The following ATG4D variants were observed in gnomAD, a reference collection of about 807,000 sequenced individuals.
ATG4D encodes the protein cysteine protease ATG4D.
A neutral mutation model predicts 55.2 loss-of-function variants in ATG4D; 51 were observed. The ratio of observed to expected loss-of-function variants is 0.92; its 90% CI spans 0.74 to 1.17. The LOEUF (loss-of-function observed/expected upper bound fraction) is 1.17, where lower values mean the gene tolerates loss of function less well. Ranked by LOEUF, ATG4D falls within the 50% of genes most tolerant of loss-of-function variation. ATG4D has a pLI of 0.00. For synonymous variants in ATG4D, 268 were observed against 266.2 expected (o/e 1.01, Z -0.07); for missense variants, 635 against 649.6 (o/e 0.98, Z 0.25).
chr19:10,551,872 C>CACCT (rs1403429246), intron 6 of ATG4D, 25 bp from the exon 7 acceptor site: 1 of 1,612,160 alleles, frequency 6.2e-7, no homozygotes, highest in Non-Finnish European at 8.5e-7. Flanking sequence ...TGCCTGACAG[C>CACCT]ACCTGCCTAC....
chr19:10,551,058 A>G (rs1270452123), intron 6 of ATG4D: 1 of 152,192 alleles, frequency 6.6e-6, no homozygotes, highest in Admixed American at 6.6e-5. Context: ...AGAACCAGAA[A>G]ACCTGAGACA....
chr19:10,551,802 C>A, intron 6 of ATG4D, 95 bp from the exon 7 acceptor site: 1 of 1,151,058 alleles, frequency 8.7e-7, no homozygotes, highest in Non-Finnish European at 1.3e-6. Context: ...TTGATCACTG[C>A]TGCCCTCCAG....
chr19:10,551,650 A>G lies in ATG4D; in HGVS notation c.967-247A>G, dbSNP rs566293245. ...AGGAGGCGGAGGTTGCGGTGAGCCA[A>G]TTGGGCCACTGCACTCCAGGCTGGG... On this transcript the variant is annotated intron_variant, in intron 6 of 9. Transcript: ENST00000309469. 7.5e-5 allele frequency among the ~76,000 whole-genome samples: 11 copies of G among 146,106 alleles called. No individual in the cohort carries two copies. In the South Asian group the frequency reaches 1.1e-3, roughly 14 times the overall value.
At chr19:10,548,810 T>C (rs1402872661) in intron 5 of ATG4D, 94 bp from the exon 6 acceptor site, 7 of 1,516,326 alleles carry the variant, frequency 4.6e-6, no homozygotes, top group African/African-American at 4.1e-5. Flanking sequence ...CTCTGAGAAA[T>C]TGCACGGTTG....
Position 10,547,234 on chromosome 19 carries a change from C to A in ATG4D, c.816C>A (p.Tyr272Ter), listed in dbSNP as rs769363951. The A allele has an allele frequency of 6.2e-7, 1 of 1,613,876 alleles. No homozygotes were observed. Among genetic ancestry groups the A allele is most frequent in the Non-Finnish European group, 8.5e-7 (1 of 1,179,906 alleles). ...CCGACGTCACCCGCCTGGTGGTGTA[C>A]GTTTCTCAGGACTGCACAGGTAAGG... ...SCSDVTRLVVYVSQDCTVYKA... is the reference protein window; with the variant it reads ...SCSDVTRLVV The change falls in exon 5 of 10, where the codon TAC becomes TAA. Residue 272 changes from tyrosine to a stop codon, truncating the protein, a stop_gained. Transcript: ENST00000309469. LOFTEE classifies it high-confidence loss of function.
At chr19:10,547,412 C>T (rs558434348) in intron 5 of ATG4D, among the ~76,000 whole-genome samples, 159 bp downstream of exon 5, 1 of 152,160 alleles carries the variant, frequency 6.6e-6, no homozygotes, top group East Asian at 1.9e-4. Flanking sequence ...GATAGTCCCT[C>T]TTCTCCGTCT....
chr19:10,551,702 A>G (rs1916241469), intron 6 of ATG4D, among the ~76,000 whole-genome samples, 195 bp from the exon 7 acceptor site: 1 of 151,368 alleles, frequency 6.6e-6, no homozygotes, highest in Non-Finnish European at 1.5e-5. Context: ...CGTCTCAAAA[A>G]AAAAAAAAAA....
intron 3 of ATG4D, among the ~76,000 whole-genome samples, chr19:10,546,060 C>T (rs1055972914): frequency 1.3e-4 from 19 of 151,828 alleles, no homozygotes; most frequent in African/African-American, 4.6e-4. Flanking sequence ...GTGGCTCATG[C>T]CTGTAATCCC....
At chr19:10,551,158 T>C (rs1422297527) in intron 6 of ATG4D, 3 of 152,298 alleles carry the variant, frequency 2.0e-5, no homozygotes, top group African/African-American at 7.2e-5. Context: ...AGTTATCACC[T>C]CTAACACATG....
chr19:10,552,524 G>A (rs1232142958), intron 9 of ATG4D, among the ~76,000 whole-genome samples, 200 bp downstream of exon 9: 1 of 152,226 alleles, frequency 6.6e-6, no homozygotes, highest in African/African-American at 2.4e-5. Flanking sequence ...ATCCCTTGGA[G>A]GCAGCTGTAT....
At chr19:10,547,314 G>A (rs140210034) in intron 5 of ATG4D, 61 bp downstream of exon 5, 63 of 1,567,692 alleles carry the variant, frequency 4.0e-5, no homozygotes, top group East Asian at 3.2e-4. Flanking sequence ...TGCCTTACCC[G>A]ATTCTTAGAG....
rs777918388 is a variant in ATG4D at position 10,546,981 on chromosome 19, C to T, written c.636C>T (p.His212=). 3 of 1,604,000 alleles carry T rather than the reference C, an allele frequency of 1.9e-6. No homozygotes were observed. Among genetic ancestry groups the T allele is most frequent in the Non-Finnish European group, 8.5e-7 (1 of 1,175,840 alleles). The change falls in exon 4 of 10, where the codon CAC becomes CAT. Residue 212 remains histidine, a synonymous_variant. Transcript: ENST00000309469. The part of the protein sequence containing the change: ...GAPELEQERR[H]RQIVSWFADH... ...CTGAGCTGGAGCAGGAACGCCGGCA[C>T]CGGCAGATTGTGTCCTGGTTCGCCG...
chr19:10,544,630 T>A, intron 1 of ATG4D, 153 bp from the exon 2 acceptor site: 1 of 1,411,254 alleles, frequency 7.1e-7, no homozygotes, highest in Non-Finnish European at 9.4e-7. Context: ...CTCCTGTAGC[T>A]GTCACTGGGG....
chr19:10,552,417 G>A, intron 9 of ATG4D, 93 bp downstream of exon 9: 1 of 1,461,638 alleles, frequency 6.8e-7, no homozygotes, highest in Non-Finnish European at 9.1e-7. Context: ...CAGCAGAGCT[G>A]GGGTGCTGCT....
chr19:10,544,581 T>C (rs557737190), intron 1 of ATG4D: 2 of 1,158,160 alleles, frequency 1.7e-6, no homozygotes, highest in Non-Finnish European at 2.3e-6. Flanking sequence ...GGTACAATAA[T>C]CAGAACTACC....
intron 5 of ATG4D, among the ~76,000 whole-genome samples, chr19:10,547,626 G>GAA (rs778363094): frequency 4.3e-4 from 21 of 49,234 alleles, no homozygotes; most frequent in Admixed American, 5.8e-4. Context: ...GGATCCTGTC[G>GAA]AAAAAAAAAA....
At chr19:10,546,355 T>G (rs142479055) in intron 3 of ATG4D, among the ~76,000 whole-genome samples, 1 of 151,030 alleles carries the variant, frequency 6.6e-6, no homozygotes, top group Non-Finnish European at 1.5e-5. Flanking sequence ...TATTATTATT[T>G]TTTTTTTTGA....
At position 10,552,227 on chromosome 19, in the gene ATG4D, G is replaced by A. The variant is rs371466606; in HGVS notation, c.1145G>A (p.Arg382His). The change falls in exon 9 of 10, where the codon CGC (arginine) becomes CAC (histidine). Residue 382 changes from arginine to histidine, a missense_variant. Transcript: ENST00000309469. ...CAGTCCTTCCACTGCACCTCGCCCC[G>A]CAAGATGGCCTTTGCCAAGATGGAC... ...PLESFHCTSPRKMAFAKMDPS... is the reference protein window; with the variant it reads ...PLESFHCTSPHKMAFAKMDPS... 1.5e-4 allele frequency: 245 copies of A among 1,613,054 alleles called. 1 individual carries two copies. The highest frequency in any genetic ancestry group is 3.3e-4 in the Middle Eastern group (2 of 6,084).
chr19:10,546,904 C>A lies in ATG4D; in HGVS notation c.559C>A (p.Arg187=). ...PELSGSASPS[R]YHGPARWMPP... is the part of the protein sequence containing the mutation. ...GCTGTCAGGGTCAGCCTCTCCCAGCCGGTACCATGGGCCTGCCCGCTGGAT... is the reference window on the plus strand; with the variant it reads ...GCTGTCAGGGTCAGCCTCTCCCAGCAGGTACCATGGGCCTGCCCGCTGGAT... The change falls in exon 4 of 10, where the codon CGG becomes AGG. Residue 187 remains arginine, a synonymous_variant. Coordinates refer to ENST00000309469, the MANE Select transcript of ATG4D (RefSeq NM_032885.6). 6.2e-7 allele frequency: 1 copy of A among 1,611,406 alleles called. No individual in the cohort carries two copies. Among genetic ancestry groups the A allele is most frequent in the South Asian group, 1.1e-5 (1 of 90,882 alleles).
Sources: allele counts gnomAD v4.1 joint callset (sites outside exome capture counted in the v4.1 genomes callset), GRCh38; gene constraint gnomAD v4.1.1; transcripts MANE v1.5; gene names NCBI Gene and HGNC (gene_info 2026-07-23, HGNC 2026-07-21).